Variants in MSANTD2 observed in about 807,000 individuals in gnomAD.
MSANTD2 encodes Myb/SANT DNA binding domain containing 2, also known as myb/SANT-like DNA-binding domain-containing protein 2.
In MSANTD2, 19 loss-of-function variants were observed where a neutral mutation model predicts 52.6. That is an observed-to-expected ratio of 0.36 (90% CI 0.25 to 0.53). The LOEUF (loss-of-function observed/expected upper bound fraction) is 0.53. Ranked by LOEUF, MSANTD2 falls within the 20% of genes least tolerant of loss-of-function variation. MSANTD2 has a pLI of 0.91. For missense variants in MSANTD2, 558 were observed against 716.3 expected (o/e 0.78, Z 2.52); for synonymous variants, 291 against 289.7 (o/e 1.00, Z -0.04).
intron 1 of MSANTD2, chr11:124,789,648 T>G (rs1157913721): frequency 6.6e-6 from 1 of 152,164 alleles, no homozygotes; most frequent in Non-Finnish European, 1.5e-5. Flanking sequence ...AAAAAGTATT[T>G]CCATTGGCTT....
At chr11:124,793,386 A>C (rs1468883169) in intron 1 of MSANTD2, among the ~76,000 whole-genome samples, 2 of 152,186 alleles carry the variant, frequency 1.3e-5, no homozygotes, top group Non-Finnish European at 2.9e-5. Flanking sequence ...ACCTCGTATA[A>C]ATTTCCAAAC....
At chr11:124,773,130 T>G in intron 2 of MSANTD2, 76 bp from the exon 3 acceptor site, 1 of 809,902 alleles carries the variant, frequency 1.2e-6, no homozygotes, top group South Asian at 1.4e-5. Context: ...AGTAGCTATG[T>G]TTACTGATCA....
chr11:124,781,684 G>A (rs896196517), intron 1 of MSANTD2, among the ~76,000 whole-genome samples: 7 of 139,536 alleles, frequency 5.0e-5, no homozygotes, highest in South Asian at 2.2e-4. Flanking sequence ...ACAGATTCTC[G>A]CTCTGTCGCC....
At chr11:124,783,198 A>T (rs1377247273) in intron 1 of MSANTD2, among the ~76,000 whole-genome samples, 1 of 152,178 alleles carries the variant, frequency 6.6e-6, no homozygotes, top group African/African-American at 2.4e-5. Context: ...CTTTGTGGGG[A>T]ACTGTCCAGG....
At chr11:124,795,884 G>C (rs1470282771) in intron 1 of MSANTD2, among the ~76,000 whole-genome samples, 2 of 152,024 alleles carry the variant, frequency 1.3e-5, no homozygotes, top group Non-Finnish European at 2.9e-5. Context: ...GGAATTGTTA[G>C]TAGACAAATT....
intron 1 of MSANTD2, among the ~76,000 whole-genome samples, chr11:124,788,161 G>A (rs1945220455): frequency 6.6e-6 from 1 of 151,564 alleles, no homozygotes; most frequent in Non-Finnish European, 1.5e-5. Context: ...CTAACACACT[G>A]ACATATAAAC....
chr11:124,784,419 G>A (rs1278132478), intron 1 of MSANTD2: 31 of 985,208 alleles, frequency 3.1e-5, no homozygotes, highest in Non-Finnish European at 3.5e-5. Flanking sequence ...CTTCGTTAAA[G>A]TACTCCCAAA....
At chr11:124,780,638 T>C (rs1282910934) in intron 1 of MSANTD2, among the ~76,000 whole-genome samples, 1 of 152,154 alleles carries the variant, frequency 6.6e-6, no homozygotes, top group Non-Finnish European at 1.5e-5. Flanking sequence ...AAGAACGTCG[T>C]TAAAAAATTC....
intron 1 of MSANTD2, among the ~76,000 whole-genome samples, chr11:124,799,496 C>A (rs1281367443): frequency 5.9e-5 from 9 of 152,206 alleles, no homozygotes; most frequent in Non-Finnish European, 2.9e-5. Context: ...CGGTAAGCCT[C>A]TGCCTGGGAG....
intron 1 of MSANTD2, among the ~76,000 whole-genome samples, chr11:124,787,428 T>C (rs552437523): frequency 1.1e-4 from 16 of 152,296 alleles, no homozygotes; most frequent in Admixed American, 9.2e-4. Flanking sequence ...CCAGGCTGGA[T>C]GGAGTGCAGT....
chr11:124,771,224 C>G (rs1944508585), intron 3 of MSANTD2, among the ~76,000 whole-genome samples: 1 of 152,218 alleles, frequency 6.6e-6, no homozygotes, highest in South Asian at 2.1e-4. Context: ...ACTTTGATGT[C>G]ACACTCCTAA....
chr11:124,775,287 G>GA (rs1274292946), intron 1 of MSANTD2: 34 of 190,644 alleles, frequency 1.8e-4, no homozygotes, highest in Non-Finnish European at 2.6e-4. Context: ...GAATAAGGGG[G>GA]AAAAAAAACA....
chr11:124,791,897 C>T (rs1945344419), intron 1 of MSANTD2: 2 of 381,822 alleles, frequency 5.2e-6, no homozygotes. Flanking sequence ...TAGAACAGAA[C>T]ATATCAGAGT....
chr11:124,772,713 G>A (rs556468532), intron 3 of MSANTD2, among the ~76,000 whole-genome samples: 1 of 142,364 alleles, frequency 7.0e-6, no homozygotes, highest in African/African-American at 2.7e-5. Flanking sequence ...CACCAGCCTG[G>A]GTGACAGAGC....
intron 1 of MSANTD2, among the ~76,000 whole-genome samples, chr11:124,794,087 T>C (rs577270074): frequency 6.6e-6 from 1 of 152,344 alleles, no homozygotes; most frequent in African/African-American, 2.4e-5. Context: ...AACAGACACA[T>C]GTGACCAGTG....
chr11:124,791,535 A>T, intron 1 of MSANTD2: 1 of 1,149,048 alleles, frequency 8.7e-7, no homozygotes, highest in Non-Finnish European at 1.3e-6. Flanking sequence ...AAACGACAGA[A>T]GGGTGCAGAC....
intron 3 of MSANTD2, among the ~76,000 whole-genome samples, chr11:124,770,364 G>A (rs973746431): frequency 3.3e-5 from 5 of 149,716 alleles, no homozygotes; most frequent in Non-Finnish European, 4.4e-5. Context: ...AGGCTGGAAT[G>A]CATGACTCAC....
At position 124,767,180 on chromosome 11, in the gene MSANTD2, T is replaced by C. The variant is rs773237967; in HGVS notation, c.1676A>G (p.Asn559Ser). The C allele has an allele frequency of 2.5e-6, 4 of 1,594,496 alleles. No homozygotes were observed. The Admixed American group carries it at 7.1e-5, about 28-fold the overall frequency. ...KAIGYPLKFN[N>S] ...AATCCTTATGAAGGATGACATTCAG[T>C]TGTTAAATTTTAAGGGGTATCCAAT... Residue 559 changes from asparagine to serine, a missense_variant, in exon 4 of 4, where the codon AAC becomes AGC. By Grantham distance (46) the Asn-to-Ser change is conservative (BLOSUM62 1). This residue lies in a region of MSANTD2 where 408 missense variants were observed against 573.6 expected (regional missense o/e 0.71). Coordinates refer to ENST00000374979, the MANE Select transcript of MSANTD2 (RefSeq NM_001308027.2). The surrounding 1 kb of genome is among the most constrained non-coding windows in gnomAD (Gnocchi z 6.5).
At chr11:124,770,058 A>G (rs1431676172) in intron 3 of MSANTD2, among the ~76,000 whole-genome samples, 1 of 152,232 alleles carries the variant, frequency 6.6e-6, no homozygotes, top group Non-Finnish European at 1.5e-5. Context: ...TATTTAAACA[A>G]TTCCTGAGAA....
Sources: allele counts gnomAD v4.1 joint callset (sites outside exome capture counted in the v4.1 genomes callset), GRCh38; gene constraint gnomAD v4.1.1; regional missense constraint gnomAD v4.1.1; non-coding constraint Gnocchi (gnomAD v3.1); transcripts MANE v1.5; gene names NCBI Gene and HGNC (gene_info 2026-07-23, HGNC 2026-07-21).